MBP: variants seen among roughly 807,000 people sequenced by gnomAD.
MBP encodes the protein myelin basic protein, also known as Golli-MBP.
In MBP, 16 loss-of-function variants were observed where a neutral mutation model predicts 35.8. The ratio of observed to expected loss-of-function variants is 0.45; its 90% confidence interval spans 0.30 to 0.68. The LOEUF is 0.68. Ranked by LOEUF, MBP falls within the 30% of genes least tolerant of loss-of-function variation. MBP has a pLI of 0.08. For synonymous variants in MBP, 143 were observed against 159.6 expected, an observed-to-expected ratio of 0.90 and a Z score of 0.78; for missense variants, 380 against 404.7, an observed-to-expected ratio of 0.94 and a Z score of 0.52.
intron 2 of MBP, among the ~76,000 whole-genome samples, chr18:77,082,617 A>C (rs2144940363): frequency 6.6e-6 from 1 of 152,334 alleles, no homozygotes; most frequent in African/African-American, 2.4e-5. Context: ...GCCAGGACCC[A>C]GTGAGATGCT....
intron 2 of MBP, among the ~76,000 whole-genome samples, chr18:77,087,830 G>A (rs1345549291): frequency 6.6e-6 from 1 of 152,094 alleles, no homozygotes; most frequent in African/African-American, 2.4e-5. Flanking sequence ...AGCACCCCAC[G>A]CACGTGGGCT....
chr18:77,016,009 A>G (rs192712056), intron 4 of MBP: 3 of 985,418 alleles, frequency 3.0e-6, no homozygotes, highest in Admixed American at 6.1e-5. Flanking sequence ...CACAACCACC[A>G]AACACTCTAA....
At chr18:77,029,404 A>AGAGAGGGAGAGG (rs1972448540) in intron 3 of MBP, among the ~76,000 whole-genome samples, 1 of 122,202 alleles carries the variant, frequency 8.2e-6, no homozygotes, top group Non-Finnish European at 1.7e-5. Flanking sequence ...GACCGTGGAA[A>AGAGAGGGAGAGG]GAGAGGGAGA....
At chr18:77,047,955 A>G (rs1055865050) in intron 3 of MBP, among the ~76,000 whole-genome samples, 1 of 152,256 alleles carries the variant, frequency 6.6e-6, no homozygotes. Flanking sequence ...TAGTACCACT[A>G]AGACCAATTC....
Position 76,979,591 on chromosome 18 carries a change from A to G in MBP, c.*836T>C. The G allele has an allele frequency of 1.1e-5, 3 of 274,332 alleles. No homozygotes were observed. The highest frequency in any genetic ancestry group is 9.3e-5 in the South Asian group (2 of 21,596). The allele number at this position is 274,332 out of a possible 1,614,324, so 17.0% of individuals were successfully genotyped here. A position where few individuals can be genotyped will look rare whatever the true frequency, so the allele number is the denominator to read the frequency against. On this transcript the variant is annotated 3_prime_UTR_variant, in exon 9 of 9. Coordinates refer to ENST00000355994, the MANE Select transcript of MBP (RefSeq NM_001025101.2). ...TCTCCGGCTGTGGGCTGTGGTTTGG[A>G]AACGAGGTTGTTCATAGAGGCTGCT...
intron 1 of MBP, among the ~76,000 whole-genome samples, chr18:77,118,466 G>T (rs1156551128): frequency 6.6e-6 from 1 of 151,900 alleles, no homozygotes. Flanking sequence ...CCCACTGGAG[G>T]CCAAATCCAA....
chr18:77,117,803 G>T (rs1181966026), intron 1 of MBP, among the ~76,000 whole-genome samples: 2 of 47,374 alleles, frequency 4.2e-5, no homozygotes, highest in Non-Finnish European at 5.3e-5. Flanking sequence ...GGGGTGGGAC[G>T]GGGGTCAGTG....
intron 3 of MBP, among the ~76,000 whole-genome samples, chr18:77,060,360 A>G (rs1205369867): frequency 6.6e-6 from 1 of 151,316 alleles, no homozygotes; most frequent in Admixed American, 6.6e-5. Context: ...GAACGGCAGC[A>G]CTCATTATTC....
At chr18:77,078,237 A>G (rs531441313) in intron 2 of MBP, among the ~76,000 whole-genome samples, 2 of 152,360 alleles carry the variant, frequency 1.3e-5, no homozygotes, top group South Asian at 2.1e-4. Context: ...AAAGCAACAC[A>G]GCCACATGGC....
At position 77,101,395 on chromosome 18, in the gene MBP, A is replaced by G. The variant is rs1311649324; in HGVS notation, c.51+3816T>C. ...TTAAAAAACACAGGGAGTCAAAGGC[A>G]GAACAGGAGTTTCTTCGTTTCTGAG... On this transcript the variant is annotated intron_variant, in intron 2 of 8. Coordinates refer to ENST00000355994, the MANE Select transcript of MBP (RefSeq NM_001025101.2). The surrounding 1 kb of genome is among the most constrained non-coding windows in gnomAD (Gnocchi z 4.3). Among the ~76,000 whole-genome samples, 1 of 152,246 alleles carries G rather than the reference A, an allele frequency of 6.6e-6. No homozygotes were observed. Among genetic ancestry groups the G allele is most frequent in the Non-Finnish European group, 1.5e-5 (1 of 68,036 alleles).
At chr18:77,122,847 T>C (rs1976931489) in intron 1 of MBP, among the ~76,000 whole-genome samples, 1 of 152,210 alleles carries the variant, frequency 6.6e-6, no homozygotes. Context: ...CCGGCTAGTA[T>C]ATTTTCCATT....
chr18:77,084,411 GCCCCCC>G (rs61631239), intron 2 of MBP, among the ~76,000 whole-genome samples: 1 of 73,476 alleles, frequency 1.4e-5, no homozygotes. Context: ...TCACAACACC[GCCCCCC>G]CCGCCACACC....
At chr18:77,018,053 A>G (rs1971745883) in intron 3 of MBP, among the ~76,000 whole-genome samples, 2 of 152,220 alleles carry the variant, frequency 1.3e-5, no homozygotes, top group South Asian at 4.1e-4. Flanking sequence ...TTACTTATCT[A>G]CAGAAAACAG....
intron 1 of MBP, chr18:77,115,339 G>A (rs1363679640): frequency 6.6e-6 from 1 of 152,276 alleles, no homozygotes; most frequent in African/African-American, 2.4e-5. Context: ...TTGATAGCCT[G>A]TGTGCAGGGA....
chr18:77,120,236 A>G (rs1387259874), intron 1 of MBP, among the ~76,000 whole-genome samples: 1 of 152,238 alleles, frequency 6.6e-6, no homozygotes, highest in East Asian at 1.9e-4. Flanking sequence ...GCTTCTCCCA[A>G]CGCTGGCAAA....
chr18:77,127,575 A>C (rs1391164348), intron 1 of MBP: 1 of 152,232 alleles, frequency 6.6e-6, no homozygotes, highest in Admixed American at 6.5e-5. Flanking sequence ...AACTTTCTGC[A>C]AAGGACTCTG....
intron 1 of MBP, chr18:77,127,887 A>G (rs1383480549): frequency 6.6e-6 from 1 of 152,212 alleles, no homozygotes. Context: ...TGGCAATACC[A>G]AATGCTGCCC....
At chr18:76,993,198 C>T (rs185028186) in intron 4 of MBP, among the ~76,000 whole-genome samples, 12 of 152,278 alleles carry the variant, frequency 7.9e-5, no homozygotes, top group Non-Finnish European at 1.6e-4. Context: ...GAAAATACCA[C>T]AAAAGTGAAG....
At chr18:77,019,032 T>TCATCCATCCATC (rs10526394) in intron 3 of MBP, among the ~76,000 whole-genome samples, 3 of 138,666 alleles carry the variant, frequency 2.2e-5, no homozygotes, top group African/African-American at 8.4e-5. Context: ...ACCTACCTGT[T>TCATCCATCCATC]CATCCATCCA....
Sources: gnomAD v4.1 joint callset for allele counts (sites outside exome capture counted in the v4.1 genomes callset) on GRCh38, gnomAD v4.1.1 for gene constraint, Gnocchi (gnomAD v3.1) non-coding constraint, MANE v1.5 for transcripts, NCBI Gene and HGNC (gene_info 2026-07-23, HGNC 2026-07-21) for gene names.